The following FMN2 variants were observed in gnomAD, a reference collection of about 807,000 sequenced individuals.
FMN2 encodes formin-2.
Under a neutral mutation model 142.3 loss-of-function variants are expected in FMN2, and 51 were observed. The observed-to-expected ratio is 0.36, with a 90% CI of 0.29 to 0.45. The LOEUF (loss-of-function observed/expected upper bound fraction) is 0.45. Ranked by LOEUF, FMN2 falls within the 20% of genes least tolerant of loss-of-function variation. The pLI is 1.00. For missense variants in FMN2, 1,936 were observed against 2,122.8 expected, an observed-to-expected ratio of 0.91 and a Z score of 1.73; for synonymous variants, 882 against 869.8, an observed-to-expected ratio of 1.01 and a Z score of -0.25.
At chr1:240,170,687 G>A (rs751316505) in intron 2 of FMN2, 1 of 1,570,230 alleles carries the variant, frequency 6.4e-7, no homozygotes, top group African/African-American at 1.4e-5. Context: ...TGCCTTCTAG[G>A]TTGTGGCATT....
chr1:240,242,554 C>A (rs1052870327), intron 6 of FMN2, among the ~76,000 whole-genome samples: 1 of 152,230 alleles, frequency 6.6e-6, no homozygotes, highest in African/African-American at 2.4e-5. Flanking sequence ...AGTTGAGGAA[C>A]AACATCCAGA....
chr1:240,127,331 C>T (rs1451916172), intron 2 of FMN2, among the ~76,000 whole-genome samples: 4 of 151,168 alleles, frequency 2.6e-5, no homozygotes, highest in Non-Finnish European at 5.9e-5. Flanking sequence ...GTCGGCCTCT[C>T]AAAGTGCTAG....
rs568317693 is a variant in FMN2, at chr1:240,135,446, G to C, written c.1782+12101G>C. 7.0e-4 allele frequency among the ~76,000 whole-genome samples: 106 copies of C among 152,186 alleles called. No individual in the cohort carries two copies. In the East Asian group the frequency reaches 0.013, roughly 18 times the overall value. ...AATATAATAAGTGGATATGTATCCA[G>C]AAGTTCCTACTCGATTTCTTTCTTT... On this transcript the variant is annotated intron_variant, in intron 2 of 17. Coordinates refer to ENST00000319653, the MANE Select transcript of FMN2 (RefSeq NM_020066.5).
chr1:240,207,081 C>A lies in FMN2; in HGVS notation c.2269C>A (p.Leu757Met), dbSNP rs756840968. The change falls in exon 5 of 18, where the codon CTG becomes ATG. Residue 757 changes from leucine (L) to methionine (M), a missense_variant. Transcript: ENST00000319653. ...SPTEEGGVLT[L>M]PPVDGLPGRP... is the part of the protein sequence containing the mutation. ...CACGGAAGAGGGCGGGGTGCTGACA[C>A]TGCCTCCTGTGGATGGGCTGCCAGG... 6.2e-7 allele frequency: 1 copy of A among 1,614,122 alleles called. No individual in the cohort carries two copies. Among genetic ancestry groups the A allele is most frequent in the South Asian group, 1.1e-5 (1 of 91,090 alleles).
At chr1:240,355,259 G>C (rs1423614159) in intron 13 of FMN2, among the ~76,000 whole-genome samples, 3 of 152,088 alleles carry the variant, frequency 2.0e-5, no homozygotes, top group Non-Finnish European at 4.4e-5. Flanking sequence ...AAATGCATCT[G>C]ACATGTAATA....
At chr1:240,097,624 G>A (rs531198925) in intron 1 of FMN2, among the ~76,000 whole-genome samples, 4 of 152,214 alleles carry the variant, frequency 2.6e-5, no homozygotes, top group Admixed American at 2.6e-4. Context: ...CAAAGTGCTG[G>A]GATTACAGGC....
intron 1 of FMN2, among the ~76,000 whole-genome samples, chr1:240,110,742 C>T (rs1661780094): frequency 1.3e-5 from 2 of 151,676 alleles, no homozygotes; most frequent in African/African-American, 4.8e-5. Context: ...TAATAAGTCC[C>T]CGACTCTCAT....
At chr1:240,206,728 T>C in intron 4 of FMN2, 71 bp from the exon 5 acceptor site, 2 of 1,503,112 alleles carry the variant, frequency 1.3e-6, no homozygotes, top group African/African-American at 2.8e-5. Flanking sequence ...GATATAATTT[T>C]GCTTAATTTT....
At chr1:240,266,479 G>T in intron 7 of FMN2, among the ~76,000 whole-genome samples, 1 of 151,596 alleles carries the variant, frequency 6.6e-6, no homozygotes, top group East Asian at 1.9e-4. Flanking sequence ...TTGCTTTTCT[G>T]TTCCTGCCTT....
At chr1:240,277,693 C>T (rs571796115) in intron 7 of FMN2, among the ~76,000 whole-genome samples, 6 of 151,692 alleles carry the variant, frequency 4.0e-5, no homozygotes, top group Non-Finnish European at 5.9e-5. Flanking sequence ...CCACCATGCC[C>T]GGCTAATTTT....
intron 8 of FMN2, among the ~76,000 whole-genome samples, chr1:240,295,847 C>T (rs1303204256): frequency 1.3e-5 from 2 of 152,220 alleles, no homozygotes; most frequent in African/African-American, 4.8e-5. Context: ...ACACTGCTTT[C>T]TATTATGGCT....
rs2102989608 is a variant in FMN2 at position 240,312,984 on chromosome 1, A to T, written c.4216-16092A>T. 1.3e-5 allele frequency among the ~76,000 whole-genome samples: 2 copies of T among 152,292 alleles called. 1 individual carries two copies. The highest frequency in any genetic ancestry group is 4.1e-4 in the South Asian group (2 of 4,822). The stretch of plus-strand genomic sequence containing the variant: ...TCCCCAGCACTTCTTCCTGTTCCTG[A>T]CCTTTTCCTTCTCCTTACCCACCCA... On this transcript the variant is annotated intron_variant, in intron 8 of 17. Transcript: ENST00000319653.
At chr1:240,291,427 C>A (rs544387788) in intron 7 of FMN2, among the ~76,000 whole-genome samples, 83 of 152,232 alleles carry the variant, frequency 5.5e-4, no homozygotes, top group African/African-American at 1.9e-3. Flanking sequence ...TGTTACTCAG[C>A]ATCTTAAAGC....
intron 16 of FMN2, among the ~76,000 whole-genome samples, chr1:240,451,972 A>G (rs1393422821): frequency 2.6e-5 from 4 of 152,064 alleles, no homozygotes; most frequent in Admixed American, 6.6e-5. Context: ...TGGGCAGATC[A>G]CAAGGTCAGG....
intron 15 of FMN2, among the ~76,000 whole-genome samples, chr1:240,416,436 A>T (rs546340648): frequency 8.4e-4 from 128 of 151,936 alleles, no homozygotes; most frequent in Non-Finnish European, 1.7e-3. Context: ...ACACTGGCTA[A>T]TTTTTATATT....
intron 8 of FMN2, among the ~76,000 whole-genome samples, chr1:240,328,178 A>AAAAAAAAAAAAC (rs1671254444): frequency 6.7e-6 from 1 of 150,238 alleles, no homozygotes; most frequent in Non-Finnish European, 1.5e-5. Context: ...AAAAAGAAAA[A>AAAAAAAAAAAAC]GAAAATCCAG....
At chr1:240,135,619 A>G (rs1011938370) in intron 2 of FMN2, among the ~76,000 whole-genome samples, 1 of 151,448 alleles carries the variant, frequency 6.6e-6, no homozygotes, top group African/African-American at 2.4e-5. Flanking sequence ...GGCTTTCAAT[A>G]TATATTTTAA....
intron 1 of FMN2, among the ~76,000 whole-genome samples, chr1:240,109,707 G>T (rs541763867): frequency 6.6e-6 from 1 of 152,126 alleles, no homozygotes; most frequent in African/African-American, 2.4e-5. Context: ...ATTGAGAAGG[G>T]TATTAAAAGA....
In FMN2 at chr1:240,135,594, C is replaced by T. The variant is rs942876136; in HGVS notation, c.1782+12249C>T. Among the ~76,000 whole-genome samples, 10 of 151,840 alleles carry T rather than the reference C, an allele frequency of 6.6e-5. No homozygotes were observed. In the South Asian group the frequency reaches 1.2e-3, roughly 19 times the overall value. ...CCCCTCTGTTTGTAGTCAGATAGTT[C>T]AGTGTGAAGTAGAAGGCTTTCAATA... On this transcript the variant is annotated intron_variant, in intron 2 of 17. Transcript: ENST00000319653.
Sources: allele counts gnomAD v4.1 joint callset (sites outside exome capture counted in the v4.1 genomes callset), GRCh38; gene constraint gnomAD v4.1.1; transcripts MANE v1.5; gene names NCBI Gene and HGNC (gene_info 2026-07-23, HGNC 2026-07-21).